The following UGT1A10 variants were observed in gnomAD, a reference collection of about 807,000 sequenced individuals.
UGT1A10 encodes the protein UDP glucuronosyltransferase family 1 member A10.
UGT1A10 carries 49 observed loss-of-function variants against 45.8 expected under a neutral mutation model. The observed-to-expected ratio is 1.07, with a 90% CI of 0.85 to 1.36. The LOEUF (loss-of-function observed/expected upper bound fraction) is 1.36, where lower values mean the gene tolerates loss of function less well. Among genes scored for constraint, UGT1A10 ranks in the 40% most tolerant of loss-of-function variants. UGT1A10 has a pLI of 0.00. For missense variants in UGT1A10, 745 were observed against 668.6 expected (o/e 1.11, Z -1.26); for synonymous variants, 284 against 249.7 (o/e 1.14, Z -1.29).
Position 233,648,661 on chromosome 2 carries a change from T to C in UGT1A10, c.855+11284T>C, listed in dbSNP as rs1321005532. Reference sequence around the variant, plus strand: ...TTGTATTTTTAGTGGAGACGGGGTTTCACCGTGTTAGCCAGGATGGTCTCG... The same window carrying C: ...TTGTATTTTTAGTGGAGACGGGGTTCCACCGTGTTAGCCAGGATGGTCTCG... On this transcript the variant is annotated intron_variant, in intron 1 of 4. Coordinates refer to ENST00000344644, the MANE Select transcript of UGT1A10 (RefSeq NM_019075.4). The C allele has an allele frequency of 2.2e-5, 6 of 277,194 alleles. No homozygotes were observed. The Admixed American group carries it at 2.5e-4, about 11-fold the overall frequency. The allele number at this position is 277,194 out of a possible 1,614,324, so 17.2% of individuals were successfully genotyped here.
chr2:233,687,567 G>T (rs1436432522), intron 1 of UGT1A10, among the ~76,000 whole-genome samples: 3 of 117,252 alleles, frequency 2.6e-5, no homozygotes, highest in Non-Finnish European at 5.0e-5. Flanking sequence ...CAGAATTCAA[G>T]ACCATACATT....
chr2:233,674,430 C>T (rs2074284606), intron 1 of UGT1A10, among the ~76,000 whole-genome samples: 1 of 152,104 alleles, frequency 6.6e-6, no homozygotes, highest in Admixed American at 6.5e-5. Context: ...TAACAGGCAC[C>T]ACTTATGTGT....
intron 4 of UGT1A10, chr2:233,770,393 C>G (rs1386962280): frequency 3.3e-5 from 5 of 152,162 alleles, no homozygotes; most frequent in Admixed American, 3.3e-4. Context: ...GTGGCTCATG[C>G]CTGTAGTCCC....
At chr2:233,652,420 G>A (rs567559627) in intron 1 of UGT1A10, among the ~76,000 whole-genome samples, 53 of 151,842 alleles carry the variant, frequency 3.5e-4, no homozygotes, top group Non-Finnish European at 5.4e-4. Context: ...AATAAATTTT[G>A]GCTATAATTT....
At chr2:233,745,642 G>A (rs1693169772) in intron 1 of UGT1A10, among the ~76,000 whole-genome samples, 2 of 151,344 alleles carry the variant, frequency 1.3e-5, no homozygotes, top group Admixed American at 1.3e-4. Context: ...GCTGGCCGAG[G>A]GTAGAGTTCA....
chr2:233,751,062 CA>C (rs1460604687), intron 1 of UGT1A10, among the ~76,000 whole-genome samples: 3 of 151,906 alleles, frequency 2.0e-5, no homozygotes, highest in Non-Finnish European at 4.4e-5. Context: ...CACAGACACT[CA>C]ATGCCAGCCT....
chr2:233,769,515 T>A lies in UGT1A10; in HGVS notation c.1295+1076T>A. The A allele has an allele frequency of 6.2e-7, 1 of 1,612,854 alleles. No homozygotes were observed. Among genetic ancestry groups the A allele is most frequent in the Non-Finnish European group, 8.5e-7 (1 of 1,179,868 alleles). ...TGAGAGTGTCCATTGCTTTCTCCCA[T>A]GGTTACCTCCTTTAGAAAGAAGCAG... On this transcript the variant is annotated intron_variant, in intron 4 of 4. Coordinates refer to ENST00000344644, the MANE Select transcript of UGT1A10 (RefSeq NM_019075.4). This position sits in a 1 kb window ranked among gnomAD's most constrained non-coding sequence, Gnocchi z 4.4.
chr2:233,728,016 G>A (rs912712884), intron 1 of UGT1A10, among the ~76,000 whole-genome samples: 1 of 152,236 alleles, frequency 6.6e-6, no homozygotes, highest in African/African-American at 2.4e-5. Flanking sequence ...GCACATGTGG[G>A]AGTGACTTTC....
At chr2:233,685,599 A>G (rs959386041) in intron 1 of UGT1A10, among the ~76,000 whole-genome samples, 2 of 152,200 alleles carry the variant, frequency 1.3e-5, no homozygotes, top group Non-Finnish European at 2.9e-5. Context: ...CCTCCCTCCA[A>G]GATTATTTAT....
intron 1 of UGT1A10, chr2:233,747,762 G>A: frequency 1.2e-6 from 2 of 1,613,366 alleles, no homozygotes; most frequent in South Asian, 2.2e-5. Context: ...AGACTTTAAG[G>A]GCACACAGTG....
intron 1 of UGT1A10, chr2:233,691,437 T>C (rs1475657913): frequency 1.0e-6 from 1 of 985,518 alleles, no homozygotes; most frequent in Non-Finnish European, 1.2e-6. Flanking sequence ...TTGCTCAGGC[T>C]TCTTCTCCCT....
At chr2:233,646,015 A>G (rs2073592961) in intron 1 of UGT1A10, among the ~76,000 whole-genome samples, 1 of 152,190 alleles carries the variant, frequency 6.6e-6, no homozygotes, top group South Asian at 2.1e-4. Flanking sequence ...AGGCATATCC[A>G]TACAGCCTCT....
intron 1 of UGT1A10, among the ~76,000 whole-genome samples, chr2:233,656,130 A>G (rs2073847839): frequency 1.3e-5 from 2 of 152,198 alleles, no homozygotes; most frequent in South Asian, 2.1e-4. Flanking sequence ...AGAAGGAGCT[A>G]TGAATATTTA....
rs367562116 is a variant in UGT1A10, at chr2:233,765,371, G to A, written c.856-1663G>A. On this transcript the variant is annotated intron_variant, in intron 1 of 4. Coordinates refer to ENST00000344644, the MANE Select transcript of UGT1A10 (RefSeq NM_019075.4). Reference sequence around the variant, plus strand: ...GGAACCAACCCAGATGCCCATCAATGGTAGATTGGATAAAGAAAATGTGGT... The same window carrying A: ...GGAACCAACCCAGATGCCCATCAATAGTAGATTGGATAAAGAAAATGTGGT... Among the ~76,000 whole-genome samples, 7 of 152,230 alleles carry A rather than the reference G, an allele frequency of 4.6e-5. No homozygotes were observed. In the South Asian group the frequency reaches 1.0e-3, roughly 23 times the overall value.
Position 233,637,097 on chromosome 2 carries a change from A to G in UGT1A10, c.575A>G (p.Asn192Ser), listed in dbSNP as rs563572054. Residue 192 changes from asparagine (N) to serine (S), a missense_variant, in exon 1 of 5, where the codon AAT (asparagine) becomes AGT (serine). Transcript: ENST00000344644. The stretch of plus-strand genomic sequence containing the variant: ...CCTGCTCCTCTTTCCTATGTCCCCA[A>G]TGATCTCTTAGGGTTCTCAGATGCC... The part of the protein sequence containing the change: ...QCPAPLSYVP[N>S]DLLGFSDAMT... 4.5e-5 allele frequency: 73 copies of G among 1,613,906 alleles called. No homozygotes were observed. Among genetic ancestry groups the G allele is most frequent in the East Asian group, 2.9e-4 (13 of 44,874 alleles).
At chr2:233,741,063 A>T (rs1349514104) in intron 1 of UGT1A10, among the ~76,000 whole-genome samples, 1 of 151,878 alleles carries the variant, frequency 6.6e-6, no homozygotes, top group Non-Finnish European at 1.5e-5. Flanking sequence ...ACAGCTACAG[A>T]GCGAGACCCT....
At chr2:233,761,211 C>A in intron 1 of UGT1A10, 2 of 1,613,736 alleles carry the variant, frequency 1.2e-6, no homozygotes, top group South Asian at 1.1e-5. Flanking sequence ...TACTTTGGAT[C>A]GATTAACTAG....
intron 1 of UGT1A10, among the ~76,000 whole-genome samples, chr2:233,737,048 T>C (rs764914717): frequency 2.0e-5 from 3 of 152,226 alleles, no homozygotes; most frequent in Admixed American, 6.5e-5. Flanking sequence ...AATGCCATAC[T>C]AGGAGAACGA....
intron 1 of UGT1A10, among the ~76,000 whole-genome samples, chr2:233,726,606 T>C (rs1453810186): frequency 1.3e-5 from 2 of 152,194 alleles, no homozygotes; most frequent in Admixed American, 6.5e-5. Flanking sequence ...GTGATTACAC[T>C]GTCCTGCCCA....
Sources: gnomAD v4.1 joint callset for allele counts (sites outside exome capture counted in the v4.1 genomes callset) on GRCh38, gnomAD v4.1.1 for gene constraint, Gnocchi (gnomAD v3.1) non-coding constraint, MANE v1.5 for transcripts, NCBI Gene and HGNC (gene_info 2026-07-23, HGNC 2026-07-21) for gene names.